The following ZNF385D variants were observed in gnomAD, a reference collection of about 807,000 sequenced individuals.
ZNF385D encodes the protein zinc finger protein 385D.
ZNF385D carries 15 observed loss-of-function variants against 35.8 expected under a neutral mutation model. That is an observed-to-expected ratio of 0.42 (90% CI 0.28 to 0.64). ZNF385D has a LOEUF of 0.64. Ranked by LOEUF, ZNF385D falls within the 30% of genes least tolerant of loss-of-function variation. ZNF385D has a pLI of 0.23. For synonymous variants in ZNF385D, 212 were observed against 186.8 expected, an observed-to-expected ratio of 1.13 and a Z score of -1.10; for missense variants, 474 against 494.6, an observed-to-expected ratio of 0.96 and a Z score of 0.39.
chr3:21,991,436 C>T (rs1695138346), intron 3 of ZNF385D, among the ~76,000 whole-genome samples: 1 of 152,088 alleles, frequency 6.6e-6, no homozygotes, highest in Non-Finnish European at 1.5e-5. Flanking sequence ...GTTTTGTTAG[C>T]AAACATTTGG....
In ZNF385D at chr3:22,057,513, A is replaced by ATT. The variant is rs35980797; in HGVS notation, c.325+111302_325+111303dup. Among the ~76,000 whole-genome samples, 649 of 144,884 alleles carry ATT rather than the reference A, an allele frequency of 4.5e-3. 11 individuals are homozygous for ATT. In the East Asian group the frequency reaches 0.048, roughly 11 times the overall value. On this transcript the variant is annotated intron_variant, in intron 3 of 5. Transcript: ENST00000494108. ...TTATTTATTTATTTTCTTTTAAAGT[A>ATT]TTTTTTTTTTTTTTGAGACAGAGTC...
In ZNF385D at chr3:21,436,981, G is replaced by A. The variant is rs768839606; in HGVS notation, c.662C>T (p.Ala221Val). 1.4e-5 allele frequency: 22 copies of A among 1,613,728 alleles called. No homozygotes were observed. In the South Asian group the frequency reaches 2.0e-4, roughly 14 times the overall value. Residue 221 changes from alanine to valine, a missense_variant, in exon 5 of 8, where the codon GCG (alanine) becomes GTG (valine). By Grantham distance (64) the Ala-to-Val change is moderately conservative (BLOSUM62 0). Transcript: ENST00000281523. ...TCGCTGCATCTCACCACTGTTGTGCGCCTCCAGCTGCGAGGCAGAGTTGAC... is the reference window on the plus strand; with the variant it reads ...TCGCTGCATCTCACCACTGTTGTGCACCTCCAGCTGCGAGGCAGAGTTGAC... ...VAVNSASQLE[A>V]HNSGTKHKTM...
At chr3:21,802,047 A>T (rs2072430992) in intron 3 of ZNF385D, among the ~76,000 whole-genome samples, 1 of 152,152 alleles carries the variant, frequency 6.6e-6, no homozygotes. Context: ...GACGGGGCAG[A>T]TTTCTTAAAC....
chr3:21,597,612 G>T (rs73137049), intron 2 of ZNF385D, among the ~76,000 whole-genome samples: 22,932 of 151,998 alleles, frequency 0.15, 3,162 homozygotes, highest in African/African-American at 0.36. Context: ...TGGAAGGAGT[G>T]GTGTGAGGCA....
intron 2 of ZNF385D, among the ~76,000 whole-genome samples, chr3:22,314,276 ACCCTTTCCCCACTGAGT>A (rs1026824687): frequency 2.2e-4 from 33 of 151,624 alleles, no homozygotes; most frequent in Non-Finnish European, 3.8e-4. Context: ...TCCCCTTCCT[ACCCTTTCCCCACTGAGT>A]CCCCAAAGTC....
intron 3 of ZNF385D, among the ~76,000 whole-genome samples, chr3:22,058,445 T>A (rs1209169220): frequency 6.6e-6 from 1 of 152,144 alleles, no homozygotes; most frequent in Non-Finnish European, 1.5e-5. Flanking sequence ...CTCTCCCCAT[T>A]TTATACTTAC....
At chr3:22,236,079 C>A (rs1371048764) in intron 2 of ZNF385D, among the ~76,000 whole-genome samples, 2 of 151,974 alleles carry the variant, frequency 1.3e-5, no homozygotes, top group African/African-American at 2.4e-5. Flanking sequence ...CCTGACACAT[C>A]TGGAATAATA....
At chr3:22,150,503 C>T (rs966627695) in intron 3 of ZNF385D, among the ~76,000 whole-genome samples, 32 of 151,876 alleles carry the variant, frequency 2.1e-4, no homozygotes, top group Non-Finnish European at 4.4e-5. Context: ...GAATGCATAC[C>T]TACTTTTTTC....
At chr3:22,097,271 G>T (rs748096913) in intron 3 of ZNF385D, among the ~76,000 whole-genome samples, 1 of 151,972 alleles carries the variant, frequency 6.6e-6, no homozygotes, top group African/African-American at 2.4e-5. Flanking sequence ...TAACTGAACT[G>T]GAATTTGATA....
chr3:22,208,932 C>T (rs1697335731), intron 2 of ZNF385D, among the ~76,000 whole-genome samples: 1 of 151,782 alleles, frequency 6.6e-6, no homozygotes, highest in Non-Finnish European at 1.5e-5. Flanking sequence ...TCTTTGTTGT[C>T]AGTTTTGTAA....
chr3:21,590,650 G>A (rs1485566352), intron 2 of ZNF385D, among the ~76,000 whole-genome samples: 1 of 152,036 alleles, frequency 6.6e-6, no homozygotes, highest in African/African-American at 2.4e-5. Flanking sequence ...CAAAGTGGAG[G>A]CAGTGAGTGT....
At chr3:22,213,194 A>G (rs1271387229) in intron 2 of ZNF385D, among the ~76,000 whole-genome samples, 1 of 152,064 alleles carries the variant, frequency 6.6e-6, no homozygotes, top group Non-Finnish European at 1.5e-5. Context: ...TTTGGCTTAG[A>G]AATATAAGGG....
rs1700660587 is a variant in ZNF385D at position 21,419,792 on chromosome 3, T to C, written c.*1422A>G. ...TAACATGTAACACTGGATGGTTATA[T>C]AATTATTTTATATAGATTTTTTCTT... On this transcript the variant is annotated 3_prime_UTR_variant, in exon 8 of 8. Coordinates refer to ENST00000281523, the MANE Select transcript of ZNF385D (RefSeq NM_024697.3). The C allele has an allele frequency of 1.3e-5, 2 of 152,030 alleles. No homozygotes were observed. The highest frequency in any genetic ancestry group is 2.9e-5 in the Non-Finnish European group (2 of 67,970). The allele number at this position is 152,030 out of a possible 1,614,324, so 9.4% of individuals were successfully genotyped here.
upstream of ZNF385D, among the ~76,000 whole-genome samples, chr3:21,756,196 G>C (rs951000687): frequency 7.9e-5 from 12 of 152,244 alleles, no homozygotes; most frequent in African/African-American, 9.6e-5. Flanking sequence ...AACATGGCTT[G>C]GACCAGGGAA....
chr3:21,773,519 A>G (rs367879482), intron 3 of ZNF385D, among the ~76,000 whole-genome samples: 4 of 152,010 alleles, frequency 2.6e-5, no homozygotes, highest in African/African-American at 4.8e-5. Context: ...CAATCTATCC[A>G]TCTGACAAAA....
At chr3:22,159,743 A>G (rs1705823344) in intron 3 of ZNF385D, among the ~76,000 whole-genome samples, 1 of 152,150 alleles carries the variant, frequency 6.6e-6, no homozygotes, top group South Asian at 2.1e-4. Flanking sequence ...TCAATGATAA[A>G]AAAGGAATTT....
At chr3:22,127,594 C>T (rs1425766865) in intron 3 of ZNF385D, among the ~76,000 whole-genome samples, 1 of 151,898 alleles carries the variant, frequency 6.6e-6, no homozygotes, top group African/African-American at 2.4e-5. Context: ...CCCACCTTGG[C>T]CTCCCAAAGT....
Position 21,500,203 on chromosome 3 carries a change from G to A in ZNF385D, c.439+10658C>T, listed in dbSNP as rs889898068. Among the ~76,000 whole-genome samples, 25 of 152,122 alleles carry A rather than the reference G, an allele frequency of 1.6e-4. 1 individual carries two copies. The highest frequency in any genetic ancestry group is 3.4e-4 in the Non-Finnish European group (23 of 68,014). On this transcript the variant is annotated intron_variant, in intron 4 of 7. Transcript: ENST00000281523. Reference sequence around the variant, plus strand: ...AGTTAAATGTAATAAAGTTCAATTAGTAAAACTTATTGATTATGTACATTC... The same window carrying A: ...AGTTAAATGTAATAAAGTTCAATTAATAAAACTTATTGATTATGTACATTC...
intron 2 of ZNF385D, among the ~76,000 whole-genome samples, chr3:21,655,057 C>A: frequency 6.6e-6 from 1 of 151,880 alleles, no homozygotes; most frequent in South Asian, 2.1e-4. Context: ...TGAGGTAGAA[C>A]ACAGTGACTC....
Sources: gnomAD v4.1 joint callset for allele counts (sites outside exome capture counted in the v4.1 genomes callset) on GRCh38, gnomAD v4.1.1 for gene constraint, MANE v1.5 for transcripts, NCBI Gene and HGNC (gene_info 2026-07-23, HGNC 2026-07-21) for gene names.